Variants in SEM1 observed in about 807,000 individuals in gnomAD.
SEM1 encodes the protein SEM1 26S proteasome subunit, also known as 26S proteasome complex subunit SEM1.
SEM1 carries 3 observed loss-of-function variants against 12.7 expected under a neutral mutation model. The ratio of observed to expected loss-of-function variants is 0.24; its 90% CI spans 0.11 to 0.61. The LOEUF is 0.61. Among genes scored for constraint, SEM1 ranks in the 20% least tolerant of loss-of-function variants. The probability of loss-of-function intolerance (pLI) is 0.88; values close to 1 mark genes in which losing one functional copy is unlikely to be tolerated. For synonymous variants in SEM1, 30 were observed against 27.8 expected, an observed-to-expected ratio of 1.08 and a Z score of -0.25; for missense variants, 59 against 81.3, an observed-to-expected ratio of 0.73 and a Z score of 1.06.
At chr7:96,482,727 C>T (rs1802593953) in exon 4 of SEM1, 1 of 152,088 alleles carries the variant, frequency 6.6e-6, no homozygotes, top group South Asian at 2.1e-4. Context: ...ACGTTGTTTT[C>T]CTAATGGATA....
chr7:96,688,826 G>T lies in SEM1; in HGVS notation c.*98C>A. On this transcript the variant is annotated 3_prime_UTR_variant, in exon 3 of 3. Transcript: ENST00000248566. ...ACACAAATAAATCCAAGCAGATAAT[G>T]AAATAAACACATTTTTTTAGTGTCC... is the stretch of plus-strand genomic sequence containing the variant. 1 of 725,652 alleles carries T rather than the reference G, an allele frequency of 1.4e-6. No homozygotes were observed. Among genetic ancestry groups the T allele is most frequent in the South Asian group, 1.7e-5 (1 of 59,740 alleles). The allele number at this position is 725,652 out of a possible 1,614,324, so 45.0% of individuals were successfully genotyped here. A position where few individuals can be genotyped will look rare whatever the true frequency, so the allele number is the denominator to read the frequency against.
At chr7:96,679,316 A>G (rs939751789) in intron 2 of SEM1, among the ~76,000 whole-genome samples, 5 of 152,146 alleles carry the variant, frequency 3.3e-5, no homozygotes, top group African/African-American at 4.8e-5. Context: ...CATCAAAATC[A>G]TTAAGACACA....
chr7:96,657,130 C>T (rs1283195959), intron 2 of SEM1, among the ~76,000 whole-genome samples: 1 of 151,864 alleles, frequency 6.6e-6, no homozygotes. Context: ...AACAATTAAG[C>T]CAAGGAATAG....
chr7:96,657,650 G>T (rs1262381585), intron 2 of SEM1, among the ~76,000 whole-genome samples: 1 of 152,180 alleles, frequency 6.6e-6, no homozygotes, highest in African/African-American at 2.4e-5. Context: ...AGTTTAATTA[G>T]GAATTTAACA....
intron 1 of SEM1, 54 bp downstream of exon 1, chr7:96,709,634 A>T: frequency 6.4e-7 from 1 of 1,566,866 alleles, no homozygotes; most frequent in Non-Finnish European, 8.8e-7. Flanking sequence ...CTACCTCCAC[A>T]CGGAGGCCTG....
intron 2 of SEM1, among the ~76,000 whole-genome samples, chr7:96,646,889 A>G (rs1808811590): frequency 6.6e-6 from 1 of 152,190 alleles, no homozygotes; most frequent in Non-Finnish European, 1.5e-5. Flanking sequence ...TTACTCTTCA[A>G]AAATCAATTG....
chr7:96,604,298 T>A (rs1231802530), intron 2 of SEM1, among the ~76,000 whole-genome samples: 1 of 152,216 alleles, frequency 6.6e-6, no homozygotes, highest in East Asian at 1.9e-4. Flanking sequence ...GGAATGAAGC[T>A]GGCTTCCACA....
intron 2 of SEM1, among the ~76,000 whole-genome samples, chr7:96,597,837 T>A (rs992514782): frequency 1.3e-5 from 2 of 152,132 alleles, no homozygotes; most frequent in Non-Finnish European, 2.9e-5. Context: ...CCCTAAATAT[T>A]GTTATTGGTT....
At chr7:96,539,242 GA>G (rs1804877960) in intron 2 of SEM1, among the ~76,000 whole-genome samples, 1 of 151,724 alleles carries the variant, frequency 6.6e-6, no homozygotes, top group Admixed American at 6.6e-5. Flanking sequence ...ATAGATTTTT[GA>G]AAGAGCATGA....
At chr7:96,548,232 A>G (rs1805161903) in intron 2 of SEM1, among the ~76,000 whole-genome samples, 1 of 152,158 alleles carries the variant, frequency 6.6e-6, no homozygotes, top group Non-Finnish European at 1.5e-5. Context: ...TCTTAATCCC[A>G]AGTCTCTTCT....
chr7:96,561,586 G>A (rs560607839), intron 2 of SEM1, among the ~76,000 whole-genome samples: 11 of 152,270 alleles, frequency 7.2e-5, no homozygotes, highest in African/African-American at 2.6e-4. Flanking sequence ...CCCTACCCTT[G>A]TATCTGCTTT....
In SEM1 at chr7:96,640,776, T is replaced by C. The variant is rs1477936808; in HGVS notation, c.171-18133A>G. Reference sequence around the variant, plus strand: ...ATTAGCTGTAACAAATGTACCACTCTGTGGGGATGCTATAAATGAGGGAGG... The same window carrying C: ...ATTAGCTGTAACAAATGTACCACTCCGTGGGGATGCTATAAATGAGGGAGG... On this transcript the variant is annotated intron_variant, in intron 2 of 2. Coordinates refer to the SEM1 transcript ENST00000417009. The surrounding 1 kb of genome is among the most constrained non-coding windows in gnomAD (Gnocchi z 4.0). Among the ~76,000 whole-genome samples the C allele has an allele frequency of 6.6e-6, 1 of 151,912 alleles. No individual in the cohort carries two copies.
intron 2 of SEM1, among the ~76,000 whole-genome samples, chr7:96,578,493 C>T (rs191133280): frequency 6.6e-6 from 1 of 152,162 alleles, no homozygotes; most frequent in East Asian, 1.9e-4. Flanking sequence ...GCCAGTGAAA[C>T]ATCTTCCAAT....
intron 2 of SEM1, among the ~76,000 whole-genome samples, chr7:96,545,370 G>T (rs1805074942): frequency 6.6e-6 from 1 of 151,946 alleles, no homozygotes; most frequent in Non-Finnish European, 1.5e-5. Context: ...ATCACAAGCT[G>T]CTCAGAACGC....
At chr7:96,567,880 T>A (rs1805892558) in intron 2 of SEM1, among the ~76,000 whole-genome samples, 2 of 151,340 alleles carry the variant, frequency 1.3e-5, no homozygotes, top group South Asian at 4.2e-4. Context: ...TAATATATTA[T>A]TTTGGATCAA....
intron 2 of SEM1, chr7:96,646,058 C>T: frequency 2.5e-6 from 1 of 395,422 alleles, no homozygotes; most frequent in Non-Finnish European, 4.5e-6. Context: ...TATATCCCTC[C>T]CTATTCCTTT....
chr7:96,690,594 G>A (rs1789900909), intron 2 of SEM1, among the ~76,000 whole-genome samples: 1 of 152,042 alleles, frequency 6.6e-6, no homozygotes, highest in Admixed American at 6.6e-5. Flanking sequence ...AATATCATAC[G>A]ACATACACAG....
At chr7:96,560,235 C>G (rs1388055003) in intron 2 of SEM1, among the ~76,000 whole-genome samples, 1 of 152,162 alleles carries the variant, frequency 6.6e-6, no homozygotes, top group Non-Finnish European at 1.5e-5. Context: ...CACACTTTAA[C>G]TTCTGATACA....
chr7:96,596,974 T>A (rs1807016452), intron 2 of SEM1, among the ~76,000 whole-genome samples: 1 of 152,094 alleles, frequency 6.6e-6, no homozygotes, highest in Non-Finnish European at 1.5e-5. Flanking sequence ...TCTAGGTACA[T>A]AAGAAATGAG....
Sources: gnomAD v4.1 joint callset for allele counts (sites outside exome capture counted in the v4.1 genomes callset) on GRCh38, gnomAD v4.1.1 for gene constraint, Gnocchi (gnomAD v3.1) non-coding constraint, MANE v1.5 for transcripts, NCBI Gene and HGNC (gene_info 2026-07-23, HGNC 2026-07-21) for gene names.